Variants in ZNF423 observed in about 807,000 individuals in gnomAD.
ZNF423 encodes the protein zinc finger protein 423.
Under a neutral mutation model 95.8 loss-of-function variants are expected in ZNF423, and 12 were observed. The observed-to-expected ratio is 0.13, with a 90% CI of 0.08 to 0.20. The LOEUF (loss-of-function observed/expected upper bound fraction) is 0.20, where lower values mean the gene tolerates loss of function less well. ZNF423 is among the 10% of genes least tolerant of loss of function. The pLI is 1.00. For missense variants in ZNF423, 1,316 were observed against 1,737.1 expected (o/e 0.76, Z 4.31); for synonymous variants, 749 against 711.9 (o/e 1.05, Z -0.83).
At chr16:49,529,829 C>T (rs1006040220) in intron 5 of ZNF423, among the ~76,000 whole-genome samples, 35 of 152,150 alleles carry the variant, frequency 2.3e-4, no homozygotes, top group Middle Eastern at 3.4e-3. Context: ...GCATTGTTCT[C>T]GGGCTCTGGT....
rs375353056 is a variant in ZNF423, at chr16:49,637,882, C to T, written c.1294G>A (p.Val432Met). The T allele has an allele frequency of 3.3e-5, 53 of 1,614,118 alleles. No individual in the cohort carries two copies. The highest frequency in any genetic ancestry group is 1.4e-4 in the South Asian group (13 of 91,076). The change falls in exon 4 of 8, where the codon GTG becomes ATG. Residue 432 changes from valine (V) to methionine (M), a missense_variant. Val to Met is a conservative substitution (Grantham distance 21, BLOSUM62 1). Coordinates refer to ENST00000563137, the MANE Select transcript of ZNF423 (RefSeq NM_001379286.1). The surrounding 1 kb of genome is among the most constrained non-coding windows in gnomAD (Gnocchi z 5.6). ...CSKRDFNSLAVLEIHLKTIHA... is the reference protein window; with the variant it reads ...CSKRDFNSLAMLEIHLKTIHA... ...ATGGTCTTCAGGTGGATCTCCAGCA[C>T]GGCCAGGCTGTTAAAGTCCCGCTTG...
chr16:49,521,824 T>C (rs1451356752), intron 7 of ZNF423, among the ~76,000 whole-genome samples: 4 of 152,190 alleles, frequency 2.6e-5, no homozygotes, highest in Admixed American at 6.5e-5. Flanking sequence ...GGCCAGCCTA[T>C]GGAAACAGGA....
Position 49,638,524 on chromosome 16 carries a change from T to G in ZNF423, c.652A>C (p.Lys218Gln). ...EAAFSRSDHL[K>Q]IHLKTHSSSK... The stretch of plus-strand genomic sequence containing the variant: ...GAGCTGTGGGTCTTCAGGTGGATCT[T>G]GAGGTGGTCGCTGCGGGAGAAGGCT... The change falls in exon 4 of 8, where the codon AAG (lysine) becomes CAG (glutamine). Residue 218 changes from lysine to glutamine, a missense_variant. Coordinates refer to ENST00000563137, the MANE Select transcript of ZNF423 (RefSeq NM_001379286.1). The surrounding 1 kb of genome is among the most constrained non-coding windows in gnomAD (Gnocchi z 5.6). The G allele has an allele frequency of 6.2e-7, 1 of 1,612,872 alleles. No homozygotes were observed. The highest frequency in any genetic ancestry group is 8.5e-7 in the Non-Finnish European group (1 of 1,179,772).
At chr16:49,774,702 G>A (rs1002709220) in intron 2 of ZNF423, among the ~76,000 whole-genome samples, 7 of 152,100 alleles carry the variant, frequency 4.6e-5, no homozygotes, top group African/African-American at 1.2e-4. Context: ...CAGGCCTATC[G>A]GAATAAACCA....
chr16:49,533,267 G>T (rs892372320), intron 5 of ZNF423, among the ~76,000 whole-genome samples: 2 of 152,172 alleles, frequency 1.3e-5, no homozygotes, highest in African/African-American at 4.8e-5. Flanking sequence ...ACACCTGGGG[G>T]TCGCAATGGG....
At chr16:49,517,662 C>T (rs994443962) in intron 7 of ZNF423, 4 of 246,960 alleles carry the variant, frequency 1.6e-5, no homozygotes, top group Non-Finnish European at 3.2e-5. Flanking sequence ...TAAGCCATAA[C>T]AAAATGAGAG....
At chr16:49,715,187 GCA>G (rs2032666485) in intron 3 of ZNF423, among the ~76,000 whole-genome samples, 1 of 152,200 alleles carries the variant, frequency 6.6e-6, no homozygotes, top group East Asian at 1.9e-4. Flanking sequence ...CCTTCGAGTG[GCA>G]GAGACAATAA....
chr16:49,683,726 C>T (rs958546341), intron 3 of ZNF423, among the ~76,000 whole-genome samples: 1 of 152,180 alleles, frequency 6.6e-6, no homozygotes, highest in African/African-American at 2.4e-5. Context: ...CTCGAGAGGG[C>T]ATTAAAAGCA....
intron 1 of ZNF423, among the ~76,000 whole-genome samples, chr16:49,834,858 A>C (rs1314253049): frequency 2.0e-5 from 3 of 151,686 alleles, no homozygotes; most frequent in Non-Finnish European, 4.4e-5. Context: ...AGGGGACTAA[A>C]GTGGGTCAAG....
At chr16:49,724,524 C>G (rs919154423) in intron 3 of ZNF423, among the ~76,000 whole-genome samples, 6 of 152,194 alleles carry the variant, frequency 3.9e-5, no homozygotes, top group Admixed American at 1.3e-4. Flanking sequence ...AGAGCCAGTT[C>G]GAGGAGCGCC....
At chr16:49,664,071 T>C in intron 3 of ZNF423, 1 of 985,628 alleles carries the variant, frequency 1.0e-6, no homozygotes, top group Non-Finnish European at 1.2e-6. Flanking sequence ...CCCTCATCAC[T>C]GTCCCATGCC....
chr16:49,508,372 T>C (rs1211631778), intron 7 of ZNF423, among the ~76,000 whole-genome samples: 1 of 151,836 alleles, frequency 6.6e-6, no homozygotes, highest in Non-Finnish European at 1.5e-5. Flanking sequence ...ATAAAAACGT[T>C]AGCTGGGTAT....
chr16:49,665,771 G>A (rs1005354412), intron 3 of ZNF423, among the ~76,000 whole-genome samples: 5 of 152,138 alleles, frequency 3.3e-5, no homozygotes, highest in African/African-American at 1.2e-4. Context: ...CCCAGCTGAA[G>A]TTCTAGTTAA....
At chr16:49,587,249 C>T (rs1970870386) in intron 5 of ZNF423, among the ~76,000 whole-genome samples, 1 of 152,144 alleles carries the variant, frequency 6.6e-6, no homozygotes, top group Admixed American at 6.5e-5. Context: ...CAATGACAGA[C>T]AGGCCTTGGA....
chr16:49,630,970 C>T (rs1258778981), intron 4 of ZNF423, among the ~76,000 whole-genome samples: 1 of 152,088 alleles, frequency 6.6e-6, no homozygotes, highest in Admixed American at 6.5e-5. Flanking sequence ...CACATGCTCA[C>T]TTTCACCCCA....
At chr16:49,743,147 G>A (rs920521593) in intron 2 of ZNF423, among the ~76,000 whole-genome samples, 22 of 152,166 alleles carry the variant, frequency 1.4e-4, no homozygotes, top group African/African-American at 3.9e-4. Flanking sequence ...GCTGCCGCCC[G>A]CCTTCCACGC....
Position 49,855,511 on chromosome 16 carries a change from TCCGCCGCCG to T in ZNF423, c.40+215_40+223del, listed in dbSNP as rs545977248. On this transcript the variant is annotated intron_variant, in intron 1 of 7. Coordinates refer to ENST00000563137, the MANE Select transcript of ZNF423 (RefSeq NM_001379286.1). This position sits in a 1 kb window ranked among gnomAD's most constrained non-coding sequence, Gnocchi z 4.7. ...GGGAGGGTGTCCGCGGCGTACCCCCTCCGCCGCCGCCGCCGCCGCCGCCGCCTCCGCCTC... is the reference window on the plus strand; with the variant it reads ...GGGAGGGTGTCCGCGGCGTACCCCCTCCGCCGCCGCCGCCGCCTCCGCCTC... Among the ~76,000 whole-genome samples, 152 of 143,946 alleles carry T rather than the reference TCCGCCGCCG, an allele frequency of 1.1e-3. No homozygotes were observed. Among genetic ancestry groups the T allele is most frequent in the African/African-American group, 3.0e-3 (115 of 38,052 alleles). 94.4% of individuals were successfully genotyped at this position (143,946 alleles called of 152,430 possible).
chr16:49,797,180 A>G (rs905390942), intron 1 of ZNF423, among the ~76,000 whole-genome samples: 2 of 152,142 alleles, frequency 1.3e-5, no homozygotes, highest in African/African-American at 4.8e-5. Context: ...CAAGCATGAA[A>G]CAGAGCATCA....
At chr16:49,621,032 GC>G (rs536987874) in intron 5 of ZNF423, among the ~76,000 whole-genome samples, 79 of 152,094 alleles carry the variant, frequency 5.2e-4, no homozygotes, top group Non-Finnish European at 9.6e-4. Context: ...TCCTTCAGCA[GC>G]CCCCCCGGGG....
Sources: gnomAD v4.1 joint callset for allele counts (sites outside exome capture counted in the v4.1 genomes callset) on GRCh38, gnomAD v4.1.1 for gene constraint, Gnocchi (gnomAD v3.1) non-coding constraint, MANE v1.5 for transcripts, NCBI Gene and HGNC (gene_info 2026-07-23, HGNC 2026-07-21) for gene names.